Variants in DRC9 observed in about 807,000 individuals in gnomAD.
DRC9 encodes dynein regulatory complex protein 9.
chr3:197,892,480 G>A, the DRC9 span: 5 of 907,102 alleles, frequency 5.5e-6, 1 homozygote, highest in Admixed American at 2.3e-5. Flanking sequence ...CAGCTACTGT[G>A]GCCTATTTGC....
chr3:197,951,439 G>C, the DRC9 span: 1 of 1,016,674 alleles, frequency 9.8e-7, no homozygotes, highest in South Asian at 1.3e-5. Flanking sequence ...CGAAACCTCC[G>C]CCTCCCGGGT....
the DRC9 span, among the ~76,000 whole-genome samples, chr3:197,911,363 T>C: frequency 6.6e-5 from 10 of 152,182 alleles, no homozygotes; most frequent in Non-Finnish European, 1.5e-4. Context: ...ATCTCATGAC[T>C]GAGATTGGCT....
chr3:197,950,388 T>C, the DRC9 span: 273,376 of 1,170,622 alleles, frequency 0.23, 42,057 homozygotes, highest in African/African-American at 0.76. Flanking sequence ...GCTGATGGTG[T>C]TTGGTCCCCT....
chr3:197,923,248 A>G, the DRC9 span, among the ~76,000 whole-genome samples: 19 of 152,270 alleles, frequency 1.2e-4, no homozygotes, highest in East Asian at 3.7e-3. Flanking sequence ...CCTCCCACGC[A>G]GTTAGGACTA....
chr3:197,942,025 C>T, the DRC9 span, among the ~76,000 whole-genome samples: 1 of 152,104 alleles, frequency 6.6e-6, no homozygotes, highest in Non-Finnish European at 1.5e-5. Context: ...TTATACAATT[C>T]CTGTGATACT....
At chr3:197,900,349 G>A in the DRC9 span, among the ~76,000 whole-genome samples, 3 of 152,226 alleles carry the variant, frequency 2.0e-5, no homozygotes, top group Non-Finnish European at 4.4e-5. The surrounding 1 kb of genome is among the most constrained non-coding windows in gnomAD (Gnocchi z 4.7). Context: ...GCCTCTAAAA[G>A]AGATTTCCCC....
chr3:197,953,520 C>T, the DRC9 span: 2 of 457,160 alleles, frequency 4.4e-6, no homozygotes, highest in South Asian at 1.5e-5. Flanking sequence ...TTCAGTCTTT[C>T]TTCCGGCCAG....
the DRC9 span, chr3:197,957,693 C>G: frequency 6.6e-6 from 1 of 152,128 alleles, no homozygotes; most frequent in Admixed American, 6.6e-5. Flanking sequence ...TGAAATTGAA[C>G]TTGGGAATTA....
At chr3:197,889,453 C>G in the DRC9 span, 3 of 1,086,750 alleles carry the variant, frequency 2.8e-6, no homozygotes, top group Non-Finnish European at 4.1e-6. Flanking sequence ...AATCAGGCTT[C>G]CCTGGGAAAG....
chr3:197,889,808 G>T, the DRC9 span: 1 of 1,425,928 alleles, frequency 7.0e-7, no homozygotes, highest in Non-Finnish European at 9.8e-7. Flanking sequence ...AGTAACTTCT[G>T]TCTGACAAAC....
chr3:197,937,929 C>T, the DRC9 span, among the ~76,000 whole-genome samples: 1 of 150,824 alleles, frequency 6.6e-6, no homozygotes, highest in East Asian at 1.9e-4. Context: ...AGAGTGACCT[C>T]GTCTCTAAAA....
chr3:197,955,685 G>A, the DRC9 span: 50 of 1,339,694 alleles, frequency 3.7e-5, no homozygotes, highest in East Asian at 9.2e-5. Context: ...TCCGTATTAC[G>A]GTTCTTGATT....
At chr3:197,957,493 TGTC>T in the DRC9 span, 1 of 151,816 alleles carries the variant, frequency 6.6e-6, no homozygotes, top group Non-Finnish European at 1.4e-5. Context: ...AGTCTTGCTC[TGTC>T]GTCTAGGCTG....
the DRC9 span, chr3:197,950,161 C>T: frequency 3.2e-6 from 4 of 1,231,762 alleles, no homozygotes; most frequent in Non-Finnish European, 4.0e-6. Flanking sequence ...GATGTTTAAT[C>T]CCACAAGGCC....
chr3:197,955,705 A>G, the DRC9 span: 2 of 1,489,570 alleles, frequency 1.3e-6, no homozygotes, highest in Non-Finnish European at 1.9e-6. Context: ...TTGTAGACGT[A>G]TATATAACAT....
chr3:197,953,973 T>C, the DRC9 span: 3 of 1,611,538 alleles, frequency 1.9e-6, no homozygotes, highest in Non-Finnish European at 2.5e-6. Context: ...TATCAGCTTG[T>C]ATTCCTCTTC....
At chr3:197,943,914 A>G in the DRC9 span, 1 of 1,613,936 alleles carries the variant, frequency 6.2e-7, no homozygotes. Flanking sequence ...AGTTTCCGGG[A>G]TTTCTGGGAT....
the DRC9 span, among the ~76,000 whole-genome samples, chr3:197,932,756 G>GT: frequency 6.8e-6 from 1 of 146,836 alleles, no homozygotes; most frequent in African/African-American, 2.5e-5. Flanking sequence ...GAGCCCAGGA[G>GT]TTTGAGATCA....
the DRC9 span, among the ~76,000 whole-genome samples, chr3:197,939,657 T>A: frequency 6.6e-6 from 1 of 152,240 alleles, no homozygotes; most frequent in Non-Finnish European, 1.5e-5. Context: ...TGTGTCCCCA[T>A]TTTCCCACTG....
Sources: gnomAD v4.1 joint callset for allele counts (sites outside exome capture counted in the v4.1 genomes callset) on GRCh38, gnomAD v4.1.1 for gene constraint, Gnocchi (gnomAD v3.1) non-coding constraint, MANE v1.5 for transcripts, NCBI Gene and HGNC (gene_info 2026-07-23, HGNC 2026-07-21) for gene names.